Variants in LOXHD1 observed in about 807,000 individuals in gnomAD.
The protein encoded by LOXHD1 is lipoxygenase homology PLAT domains 1.
LOXHD1 carries 205 observed loss-of-function variants against 248.2 expected under a neutral mutation model. The ratio of observed to expected loss-of-function variants is 0.83; its 90% confidence interval spans 0.74 to 0.93. The LOEUF (loss-of-function observed/expected upper bound fraction) is 0.93, where lower values mean the gene tolerates loss of function less well. Ranked by LOEUF, LOXHD1 falls within the 40% of genes least tolerant of loss-of-function variation. LOXHD1 has a pLI of 0.00. For missense variants in LOXHD1, 2,930 were observed against 2,971.6 expected, an observed-to-expected ratio of 0.99 and a Z score of 0.33; for synonymous variants, 1,113 against 1,162.8, an observed-to-expected ratio of 0.96 and a Z score of 0.87.
At chr18:46,605,437 C>T (rs934945401) in intron 6 of LOXHD1, among the ~76,000 whole-genome samples, 1 of 130,940 alleles carries the variant, frequency 7.6e-6, no homozygotes, top group South Asian at 2.4e-4. Flanking sequence ...TGGCGTGAAC[C>T]CAGGAGGTAG....
rs397517860 is a variant in LOXHD1 at position 46,592,547 on chromosome 18, C to T, written c.1469G>A (p.Arg490Gln). 45 of 1,551,594 alleles carry T rather than the reference C, an allele frequency of 2.9e-5. No individual in the cohort carries two copies. Among genetic ancestry groups the T allele is most frequent in the Non-Finnish European group, 3.7e-5 (42 of 1,146,948 alleles). ...AGAACTCCTTTTATCATGCCATACT[C>T]GAATCTTATAAAACCTGCCAAGATC... ...LPDLGRFYKI[R>Q]VWHDKRSSGS... is the part of the protein sequence containing the mutation. The change falls in exon 11 of 41, where the codon CGA becomes CAA. Residue 490 changes from arginine to glutamine, a missense_variant. Transcript: ENST00000642948.
chr18:46,507,629 G>A lies in LOXHD1; in HGVS notation c.5601C>T (p.Thr1867=). The change falls in exon 36 of 41, where the codon ACC becomes ACT. Residue 1867 remains threonine (T), a synonymous_variant. Coordinates refer to ENST00000642948, the MANE Select transcript of LOXHD1 (RefSeq NM_001384474.1). The part of the protein sequence containing the change: ...DWLSQRKGKK[T]LVCEMCAVID... ...TAACGGCACACATTTCACACACCAG[G>A]GTCTTCTTGCCCTTCCGCTGGGACA... 2 of 1,551,698 alleles carry A rather than the reference G, an allele frequency of 1.3e-6. No homozygotes were observed. Among genetic ancestry groups the A allele is most frequent in the Non-Finnish European group, 1.7e-6 (2 of 1,146,988 alleles).
intron 21 of LOXHD1, among the ~76,000 whole-genome samples, chr18:46,551,765 T>TG (rs1244607010): frequency 6.6e-6 from 1 of 152,202 alleles, no homozygotes; most frequent in Non-Finnish European, 1.5e-5. Context: ...TGTGAGGCTG[T>TG]GTGCAGAGCC....
intron 12 of LOXHD1, among the ~76,000 whole-genome samples, chr18:46,590,457 A>G (rs1019915109): frequency 6.6e-6 from 1 of 152,230 alleles, no homozygotes; most frequent in African/African-American, 2.4e-5. Context: ...AAAAGCAGTT[A>G]CGGCCCAAGA....
At chr18:46,527,047 C>T (rs778571099) in intron 29 of LOXHD1, among the ~76,000 whole-genome samples, 6 of 150,794 alleles carry the variant, frequency 4.0e-5, no homozygotes, top group African/African-American at 7.3e-5. Flanking sequence ...CCTGATGGGG[C>T]GTCAAAACTG....
At chr18:46,506,402 G>T (rs1400753393) in intron 36 of LOXHD1, among the ~76,000 whole-genome samples, 1 of 152,304 alleles carries the variant, frequency 6.6e-6, no homozygotes, top group South Asian at 2.1e-4. Flanking sequence ...AAGGAAGCAG[G>T]GAAGTTCTGT....
chr18:46,488,745 G>A (rs1195837610), intron 38 of LOXHD1, among the ~76,000 whole-genome samples: 3 of 152,154 alleles, frequency 2.0e-5, no homozygotes, highest in Non-Finnish European at 4.4e-5. Flanking sequence ...TGTCCCCAGT[G>A]GGTTTTCCTG....
intron 40 of LOXHD1, among the ~76,000 whole-genome samples, chr18:46,481,690 G>A (rs1369274314): frequency 6.6e-6 from 1 of 152,162 alleles, no homozygotes. Flanking sequence ...CTCCAGCCCT[G>A]GTGACAACAA....
intron 34 of LOXHD1, among the ~76,000 whole-genome samples, chr18:46,514,152 C>A (rs2035122615): frequency 6.6e-6 from 1 of 152,330 alleles, no homozygotes; most frequent in African/African-American, 2.4e-5. Flanking sequence ...AAATCTTAAA[C>A]AGATTCTAAG....
In LOXHD1 at chr18:46,569,625, G is replaced by A. The variant is rs564753801; in HGVS notation, c.2061C>T (p.His687=). 2 of 1,551,026 alleles carry A rather than the reference G, an allele frequency of 1.3e-6. No individual in the cohort carries two copies. The highest frequency in any genetic ancestry group is 1.2e-5 in the South Asian group (1 of 84,032). Residue 687 remains histidine, a synonymous_variant, in exon 16 of 41, where the codon CAC becomes CAT. Coordinates refer to ENST00000642948, the MANE Select transcript of LOXHD1 (RefSeq NM_001384474.1). Reference sequence around the variant, plus strand: ...AGACATCCCCAGTCTTCAAGCTGATGTGATAGCGAAAGTCTGAACAGCCCA... The same window carrying A: ...AGACATCCCCAGTCTTCAAGCTGATATGATAGCGAAAGTCTGAACAGCCCA... The part of the protein sequence containing the change: ...SSATLKNFRY[H]ISLKTGDVSG...
intron 2 of LOXHD1, among the ~76,000 whole-genome samples, chr18:46,644,147 C>T (rs1352231295): frequency 6.6e-6 from 1 of 152,186 alleles, no homozygotes; most frequent in Non-Finnish European, 1.5e-5. Flanking sequence ...ATCCCCAGCC[C>T]AGCCTGCAGG....
At chr18:46,524,442 CAA>C in intron 31 of LOXHD1, 22 bp downstream of exon 31, 1 of 1,542,858 alleles carries the variant, frequency 6.5e-7, no homozygotes, top group Non-Finnish European at 8.8e-7. Flanking sequence ...GGCCCCCGTC[CAA>C]AGAGCTCCCT....
intron 4 of LOXHD1, among the ~76,000 whole-genome samples, chr18:46,630,369 G>C (rs1039251453): frequency 2.6e-5 from 4 of 152,228 alleles, no homozygotes; most frequent in African/African-American, 9.7e-5. Context: ...GAGGGTTTGT[G>C]GGTAGGCACT....
At chr18:46,589,630 T>C (rs116569077) in intron 12 of LOXHD1, among the ~76,000 whole-genome samples, 5,022 of 152,316 alleles carry the variant, frequency 0.033, 278 homozygotes, top group African/African-American at 0.12. Context: ...TAGGAATCTG[T>C]ATTTCAATAA....
intron 37 of LOXHD1, among the ~76,000 whole-genome samples, chr18:46,503,820 T>C (rs955475072): frequency 3.9e-5 from 6 of 152,000 alleles, no homozygotes; most frequent in Non-Finnish European, 8.8e-5. Flanking sequence ...CAAACAGAGA[T>C]AAAGAGGCTG....
intron 37 of LOXHD1, among the ~76,000 whole-genome samples, chr18:46,491,744 A>G (rs1008646495): frequency 1.3e-5 from 2 of 152,172 alleles, no homozygotes; most frequent in Admixed American, 6.5e-5. Flanking sequence ...GGTGACAGAG[A>G]AAAACAGTGA....
At position 46,563,054 on chromosome 18, in the gene LOXHD1, A is replaced by G; in HGVS notation, c.2598+11T>C. ...CTGCTGTTGGCACCCCCGCTCCTCG[A>G]CCCCACATACCTGGAATGTGTCCTT... is the stretch of plus-strand genomic sequence containing the variant. On this transcript the variant is annotated intron_variant, in intron 18 of 40. Coordinates refer to ENST00000642948, the MANE Select transcript of LOXHD1 (RefSeq NM_001384474.1). The G allele has an allele frequency of 6.5e-7, 1 of 1,531,180 alleles. No individual in the cohort carries two copies. Among genetic ancestry groups the G allele is most frequent in the Non-Finnish European group, 8.8e-7 (1 of 1,130,286 alleles). 94.8% of individuals were successfully genotyped at this position (1,531,180 alleles called of 1,614,324 possible).
intron 34 of LOXHD1, among the ~76,000 whole-genome samples, chr18:46,511,077 A>T (rs958057636): frequency 6.6e-6 from 1 of 152,142 alleles, no homozygotes; most frequent in African/African-American, 2.4e-5. Context: ...CATTTTATGG[A>T]GATTTTATGG....
At chr18:46,582,546 A>G (rs530028461) in intron 12 of LOXHD1, among the ~76,000 whole-genome samples, 25 of 152,370 alleles carry the variant, frequency 1.6e-4, no homozygotes, top group African/African-American at 6.0e-4. Flanking sequence ...AAGATATGAC[A>G]TACAAAATAT....
Sources: gnomAD v4.1 joint callset for allele counts (sites outside exome capture counted in the v4.1 genomes callset) on GRCh38, gnomAD v4.1.1 for gene constraint, MANE v1.5 for transcripts, NCBI Gene and HGNC (gene_info 2026-07-23, HGNC 2026-07-21) for gene names.